AARS1: variants seen among roughly 807,000 people sequenced by gnomAD.
The protein encoded by AARS1 is alanine--tRNA ligase, cytoplasmic.
Under a neutral mutation model 108.9 loss-of-function variants are expected in AARS1, and 72 were observed. The ratio of observed to expected loss-of-function variants is 0.66; its 90% CI spans 0.55 to 0.80. The LOEUF (loss-of-function observed/expected upper bound fraction) is 0.80. Among genes scored for constraint, AARS1 ranks in the 30% least tolerant of loss-of-function variants. The pLI, the probability that AARS1 is intolerant of heterozygous loss-of-function variation, is 0.00. For synonymous variants in AARS1, 489 were observed against 465.7 expected (o/e 1.05, Z -0.64); for missense variants, 1,193 against 1,233.2 (o/e 0.97, Z 0.49).
Position 70,258,113 on chromosome 16 carries a change from A to G in AARS1, c.2097T>C (p.Ile699=), listed in dbSNP as rs759414844. 6.2e-7 allele frequency: 1 copy of G among 1,613,992 alleles called. No homozygotes were observed. Among genetic ancestry groups the G allele is most frequent in the Admixed American group, 1.7e-5 (1 of 59,992 alleles). Residue 699 remains isoleucine (I), a synonymous_variant, in exon 15 of 21, where the codon ATT becomes ATC. Coordinates refer to ENST00000261772, the MANE Select transcript of AARS1 (RefSeq NM_001605.3). ...CCAGCAACTCGGACACCGGGACCCCAATGGAGACGACTCGCACAGGGTCAG... is the reference window on the plus strand; with the variant it reads ...CCAGCAACTCGGACACCGGGACCCCGATGGAGACGACTCGCACAGGGTCAG... ...TYPDPVRVVS[I]GVPVSELLDD... is the part of the protein sequence containing the mutation.
At chr16:70,268,797 T>A (rs1960325124) in intron 7 of AARS1, among the ~76,000 whole-genome samples, 1 of 152,196 alleles carries the variant, frequency 6.6e-6, no homozygotes, top group Admixed American at 6.5e-5. Flanking sequence ...CAGCAGAGAT[T>A]TAATATAGTG....
intron 11 of AARS1, among the ~76,000 whole-genome samples, chr16:70,263,516 A>G (rs998216976): frequency 6.6e-6 from 1 of 151,660 alleles, no homozygotes; most frequent in Non-Finnish European, 1.5e-5. Flanking sequence ...AGTTGCAGTG[A>G]GCCGAGAATG....
At chr16:70,277,208 G>A (rs1960572171) in intron 2 of AARS1, 54 bp from the exon 3 acceptor site, 38 of 1,550,322 alleles carry the variant, frequency 2.5e-5, no homozygotes, top group Non-Finnish European at 3.4e-5. Flanking sequence ...GATGTCAGGT[G>A]GCCACACACT....
At chr16:70,259,335 T>C in intron 13 of AARS1, 149 bp from the exon 14 acceptor site, 1 of 815,664 alleles carries the variant, frequency 1.2e-6, no homozygotes, top group South Asian at 1.6e-5. Context: ...TATGGCTAAG[T>C]GTGTCCATGT....
Position 70,270,273 on chromosome 16 carries a change from G to C in AARS1, c.739C>G (p.Leu247Val). The C allele has an allele frequency of 6.2e-7, 1 of 1,614,178 alleles. No individual in the cohort carries two copies. Among genetic ancestry groups the C allele is most frequent in the Non-Finnish European group, 8.5e-7 (1 of 1,180,024 alleles). Residue 247 changes from leucine (L) to valine (V), a missense_variant, in exon 6 of 21, where the codon CTG becomes GTG. By Grantham distance (32) the Leu-to-Val change is conservative. Transcript: ENST00000261772. Reference sequence around the variant, plus strand: ...ATCTTATTCTGCAGCACAGATACCAGTCGTTCCAGGCCCATCCCTGTGTCA... The same window carrying C: ...ATCTTATTCTGCAGCACAGATACCACTCGTTCCAGGCCCATCCCTGTGTCA... ...SIDTGMGLER[L>V]VSVLQNKMSN...
chr16:70,273,386 C>G (rs1313143752), intron 4 of AARS1, among the ~76,000 whole-genome samples: 2 of 152,122 alleles, frequency 1.3e-5, no homozygotes, highest in African/African-American at 4.8e-5. Flanking sequence ...ACTGTCTTAG[C>G]TTTTATACTA....
At chr16:70,262,995 A>AC (rs1960178255) in intron 11 of AARS1, among the ~76,000 whole-genome samples, 1 of 128,676 alleles carries the variant, frequency 7.8e-6, no homozygotes, top group Non-Finnish European at 1.5e-5. Flanking sequence ...AAAAAAAAAA[A>AC]AAACAACAAC....
At chr16:70,259,677 G>A (rs1182973978) in intron 13 of AARS1, among the ~76,000 whole-genome samples, 2 of 151,878 alleles carry the variant, frequency 1.3e-5, no homozygotes, top group East Asian at 1.9e-4. Context: ...TAGAGATGGG[G>A]TCTCATGTTG....
intron 5 of AARS1, among the ~76,000 whole-genome samples, chr16:70,271,405 G>A (rs1300172426): frequency 6.6e-6 from 1 of 150,408 alleles, no homozygotes; most frequent in African/African-American, 2.5e-5. Context: ...GCACATGCCT[G>A]TAATCCCAGC....
At chr16:70,279,679 A>G (rs918357427) in intron 2 of AARS1, among the ~76,000 whole-genome samples, 3 of 151,128 alleles carry the variant, frequency 2.0e-5, no homozygotes, top group African/African-American at 7.3e-5. Flanking sequence ...ACAAAAAAAA[A>G]AAAAAAAAGA....
At position 70,262,505 on chromosome 16, in the gene AARS1, A is replaced by G; in HGVS notation, c.1512T>C (p.Ala504=). ...SGSYVFENTV[A]TVMALRREKM... ...TCTCCCTGCGCAGAGCCATCACCGT[A>G]GCCACTGTGTTCTCAAATACTGCTC... Residue 504 remains alanine, a synonymous_variant, in exon 12 of 21, where the codon GCT becomes GCC. Coordinates refer to ENST00000261772, the MANE Select transcript of AARS1 (RefSeq NM_001605.3). 2 of 1,613,440 alleles carry G rather than the reference A, an allele frequency of 1.2e-6. No individual in the cohort carries two copies. Among genetic ancestry groups the G allele is most frequent in the Non-Finnish European group, 8.5e-7 (1 of 1,179,432 alleles).
chr16:70,282,538 C>A, intron 2 of AARS1, 82 bp downstream of exon 2: 2 of 1,554,468 alleles, frequency 1.3e-6, no homozygotes, highest in South Asian at 2.2e-5. Context: ...CAGAATCGGT[C>A]TGACCCCAGG....
chr16:70,255,621 C>G, intron 16 of AARS1, 107 bp downstream of exon 16: 1 of 1,034,680 alleles, frequency 9.7e-7, no homozygotes, highest in Non-Finnish European at 1.5e-6. Flanking sequence ...CCTGTACTTT[C>G]ACTCTGACTG....
intron 20 of AARS1, 79 bp downstream of exon 20, chr16:70,253,189 A>C (rs1959886422): frequency 8.0e-7 from 1 of 1,248,312 alleles, no homozygotes; most frequent in Non-Finnish European, 1.2e-6. Flanking sequence ...GGCTGTTTCG[A>C]ATGCAGGCTG....
In AARS1 at chr16:70,283,939, C is replaced by T. The variant is rs915115852; in HGVS notation, c.-21-1155G>A. Among the ~76,000 whole-genome samples the T allele has an allele frequency of 1.4e-3, 207 of 152,216 alleles. 1 individual carries two copies. The highest frequency in any genetic ancestry group is 4.8e-3 in the African/African-American group (201 of 41,532). ...TCAAAGCTCTTTCACAAGTTGGGCG[C>T]GGTGGCTCACGCCTGTAATCCCAGC... On this transcript the variant is annotated intron_variant, in intron 1 of 20. Coordinates refer to ENST00000261772, the MANE Select transcript of AARS1 (RefSeq NM_001605.3).
At chr16:70,257,016 G>A (rs564620021) in intron 15 of AARS1, among the ~76,000 whole-genome samples, 1 of 152,240 alleles carries the variant, frequency 6.6e-6, no homozygotes, top group South Asian at 2.1e-4. Context: ...TTGGGAGGCT[G>A]AGGTGGGTGG....
chr16:70,272,924 A>ACACACACACAC (rs1567608986), intron 4 of AARS1, among the ~76,000 whole-genome samples: 15 of 150,892 alleles, frequency 9.9e-5, no homozygotes, highest in South Asian at 2.1e-4. Flanking sequence ...ACACACACAC[A>ACACACACACAC]AAAGATTGTG....
rs148808476 is a variant in AARS1 at position 70,254,779 on chromosome 16, A to G, written c.2287-45T>C. 2.1e-4 allele frequency: 277 copies of G among 1,311,398 alleles called. No individual in the cohort carries two copies. In the Middle Eastern group the frequency reaches 2.3e-3, roughly 11 times the overall value. The allele number at this position is 1,311,398 out of a possible 1,614,324, so 81.2% of individuals were successfully genotyped here. On this transcript the variant is annotated intron_variant, in intron 16 of 20. Transcript: ENST00000261772. ...CAACCCCAAGCAGGAGGTCTGAGTC[A>G]GACTCACTATCCTGTGTCTGAGCAG...
At chr16:70,280,560 A>C (rs1960671714) in intron 2 of AARS1, among the ~76,000 whole-genome samples, 1 of 152,178 alleles carries the variant, frequency 6.6e-6, no homozygotes, top group South Asian at 2.1e-4. Context: ...CTAAGAGAAA[A>C]GAAAATGTCA....
Sources: allele counts gnomAD v4.1 joint callset (sites outside exome capture counted in the v4.1 genomes callset), GRCh38; gene constraint gnomAD v4.1.1; transcripts MANE v1.5; gene names NCBI Gene and HGNC (gene_info 2026-07-23, HGNC 2026-07-21).